The following FFAR4 variants were observed in gnomAD, a reference collection of about 807,000 sequenced individuals.
FFAR4 encodes G-protein coupled receptor 120.
A neutral mutation model predicts 27.0 loss-of-function variants in FFAR4; 19 were observed. The ratio of observed to expected loss-of-function variants is 0.70; its 90% CI spans 0.49 to 1.03. FFAR4 has a LOEUF of 1.03. FFAR4 is among the 50% of genes least tolerant of loss of function. The pLI, the probability that FFAR4 is intolerant of heterozygous loss-of-function variation, is 0.00. For synonymous variants in FFAR4, 254 were observed against 215.6 expected (o/e 1.18, Z -1.56); for missense variants, 476 against 479.0 (o/e 0.99, Z 0.06).
chr10:93,573,950 G>A (rs2058147147), intron 1 of FFAR4, among the ~76,000 whole-genome samples: 1 of 152,140 alleles, frequency 6.6e-6, no homozygotes, highest in Non-Finnish European at 1.5e-5. Flanking sequence ...GGCACATCAT[G>A]GAAAATTAGG....
At chr10:93,571,108 A>G (rs564660774) in intron 1 of FFAR4, among the ~76,000 whole-genome samples, 1 of 152,314 alleles carries the variant, frequency 6.6e-6, no homozygotes, top group South Asian at 2.1e-4. Flanking sequence ...TTGCTGTAAA[A>G]TAACAGACTG....
At chr10:93,568,306 GA>G (rs144466454) in intron 1 of FFAR4, among the ~76,000 whole-genome samples, 3 of 152,282 alleles carry the variant, frequency 2.0e-5, no homozygotes, top group Non-Finnish European at 4.4e-5. Context: ...GAGAGATAGA[GA>G]AAGGACTTAG....
intron 1 of FFAR4, 50 bp downstream of exon 1, chr10:93,567,337 A>C: frequency 6.5e-7 from 1 of 1,539,252 alleles, no homozygotes; most frequent in Non-Finnish European, 8.7e-7. Context: ...CAGGCTGGGA[A>C]GCGGGGCCCC....
intron 2 of FFAR4, among the ~76,000 whole-genome samples, chr10:93,580,569 C>T (rs1435420640): frequency 6.6e-6 from 1 of 152,224 alleles, no homozygotes; most frequent in East Asian, 1.9e-4. Context: ...TGCCAATATA[C>T]TTTGAGGATC....
At position 93,576,164 on chromosome 10, in the gene FFAR4, T is replaced by G; in HGVS notation, c.641T>G (p.Leu214Trp). The change falls in exon 2 of 3, where the codon TTG (leucine) becomes TGG (tryptophan). Residue 214 changes from leucine (L) to tryptophan (W), a missense_variant. Transcript: ENST00000371481. The stretch of plus-strand genomic sequence containing the variant: ...TCGTGGGATGTCTCTTTTGTTACTT[T>G]GAACTTCTTGGTGCCAGGACTGGTC... ...EISWDVSFVT[L>W]NFLVPGLVIV... is the part of the protein sequence containing the mutation. The G allele has an allele frequency of 6.2e-7, 1 of 1,614,200 alleles. No homozygotes were observed. The highest frequency in any genetic ancestry group is 8.5e-7 in the Non-Finnish European group (1 of 1,179,994).
At chr10:93,580,850 T>C (rs571501570) in intron 2 of FFAR4, among the ~76,000 whole-genome samples, 82 of 152,316 alleles carry the variant, frequency 5.4e-4, no homozygotes, top group African/African-American at 1.8e-3. Context: ...GCTTCCTCTT[T>C]CCTTGTGACT....
At chr10:93,577,176 A>C (rs891267832) in intron 2 of FFAR4, among the ~76,000 whole-genome samples, 1 of 152,234 alleles carries the variant, frequency 6.6e-6, no homozygotes, top group East Asian at 1.9e-4. Flanking sequence ...GGCAAACAGC[A>C]TGGGTGCATC....
chr10:93,580,132 C>T (rs1190253928), intron 2 of FFAR4, among the ~76,000 whole-genome samples: 2 of 152,150 alleles, frequency 1.3e-5, no homozygotes, highest in Admixed American at 6.5e-5. Flanking sequence ...GCAAGCAGGG[C>T]CTCAGTTTGC....
intron 1 of FFAR4, among the ~76,000 whole-genome samples, chr10:93,569,974 G>A (rs913780967): frequency 2.6e-5 from 4 of 151,756 alleles, no homozygotes; most frequent in Non-Finnish European, 2.9e-5. Flanking sequence ...CAGGAGAATT[G>A]CTTGAACCCA....
rs1477556782 is a variant in FFAR4, at chr10:93,567,290, G to A, written c.567+3G>A. On this transcript the variant is annotated splice_donor_region_variant and intron_variant, in intron 1 of 2. Transcript: ENST00000371481. ...AACGGCTCCCCGGCGCCGACCAGGT[G>A]AGCGCCCCTCTGTGTGTGCCGGGCA... 1 of 1,597,588 alleles carries A rather than the reference G, an allele frequency of 6.3e-7. No individual in the cohort carries two copies. The highest frequency in any genetic ancestry group is 8.5e-7 in the Non-Finnish European group (1 of 1,179,130).
intron 2 of FFAR4, among the ~76,000 whole-genome samples, chr10:93,584,713 G>T (rs12266714): frequency 8.9e-5 from 13 of 146,542 alleles, no homozygotes; most frequent in African/African-American, 2.2e-4. Context: ...ACAAGTTTTT[G>T]TTTTTTTTTT....
intron 1 of FFAR4, among the ~76,000 whole-genome samples, chr10:93,574,095 G>C (rs2058148077): frequency 6.6e-6 from 1 of 152,134 alleles, no homozygotes; most frequent in Non-Finnish European, 1.5e-5. Flanking sequence ...GAGAGAAAGT[G>C]TGTGTGTGCG....
At chr10:93,583,748 G>T (rs1241305112) in intron 2 of FFAR4, among the ~76,000 whole-genome samples, 1 of 152,246 alleles carries the variant, frequency 6.6e-6, no homozygotes, top group Non-Finnish European at 1.5e-5. Context: ...TTCCTCATCT[G>T]TAAAATGGGG....
At chr10:93,575,981 G>A in intron 1 of FFAR4, 110 bp from the exon 2 acceptor site, 2 of 1,052,840 alleles carry the variant, frequency 1.9e-6, no homozygotes. Flanking sequence ...TGCTAGTTGT[G>A]TAACTGGGCA....
In FFAR4 at chr10:93,567,103, C is replaced by T; in HGVS notation, c.383C>T (p.Thr128Met). 2 of 1,609,044 alleles carry T rather than the reference C, an allele frequency of 1.2e-6. No individual in the cohort carries two copies. The highest frequency in any genetic ancestry group is 8.5e-7 in the Non-Finnish European group (1 of 1,178,806). ...MTLSGSVTIL[T>M]LAAVSLERMV... is the part of the protein sequence containing the mutation. ...CTGAGCGGCAGCGTCACCATCCTCA[C>T]GCTGGCCGCGGTCAGCCTGGAGCGC... The change falls in exon 1 of 3, where the codon ACG becomes ATG. Residue 128 changes from threonine to methionine, a missense_variant. Transcript: ENST00000371481.
chr10:93,586,099 C>A (rs1335151445), intron 2 of FFAR4, among the ~76,000 whole-genome samples: 1 of 152,170 alleles, frequency 6.6e-6, no homozygotes, highest in African/African-American at 2.4e-5. Flanking sequence ...TGTCCCCACC[C>A]AAATCTCATC....
In FFAR4 at chr10:93,572,866, G is replaced by C. The variant is rs560735310; in HGVS notation, c.568-3225G>C. 6.1e-4 allele frequency among the ~76,000 whole-genome samples: 93 copies of C among 152,340 alleles called. 1 individual carries two copies. The highest frequency in any genetic ancestry group is 2.0e-3 in the African/African-American group (85 of 41,568). Reference sequence around the variant, plus strand: ...TAGATTGGAGCTTTACCTGCAAAAGGAGCCGTGGAAATGAGTGAGATGGCC... The same window carrying C: ...TAGATTGGAGCTTTACCTGCAAAAGCAGCCGTGGAAATGAGTGAGATGGCC... On this transcript the variant is annotated intron_variant, in intron 1 of 2. Transcript: ENST00000371481.
chr10:93,569,457 A>G (rs2058119636), intron 1 of FFAR4, among the ~76,000 whole-genome samples: 1 of 152,200 alleles, frequency 6.6e-6, no homozygotes, highest in South Asian at 2.1e-4. Flanking sequence ...TTGGCCACTT[A>G]GTACCGCACC....
intron 1 of FFAR4, among the ~76,000 whole-genome samples, chr10:93,570,670 T>G (rs1475879643): frequency 2.0e-5 from 3 of 152,234 alleles, no homozygotes; most frequent in Non-Finnish European, 4.4e-5. Context: ...AGAGCCTTCC[T>G]GAAACAGAAA....
Sources: allele counts gnomAD v4.1 joint callset (sites outside exome capture counted in the v4.1 genomes callset), GRCh38; gene constraint gnomAD v4.1.1; transcripts MANE v1.5; gene names NCBI Gene and HGNC (gene_info 2026-07-23, HGNC 2026-07-21).